Variants in HS3ST4 observed in about 807,000 individuals in gnomAD.
HS3ST4 encodes the protein heparan sulfate glucosamine 3-O-sulfotransferase 4.
Under a neutral mutation model 29.2 loss-of-function variants are expected in HS3ST4, and 17 were observed. That is an observed-to-expected ratio of 0.58 (90% CI 0.40 to 0.87). The LOEUF is 0.87. Among genes scored for constraint, HS3ST4 ranks in the 40% least tolerant of loss-of-function variants. The pLI, the probability that HS3ST4 is intolerant of heterozygous loss-of-function variation, is 0.00. For synonymous variants in HS3ST4, 314 were observed against 285.7 expected (o/e 1.10, Z -1.00); for missense variants, 627 against 634.5 (o/e 0.99, Z 0.13).
chr16:25,740,191 ACCGT>A (rs1966643093), intron 1 of HS3ST4, among the ~76,000 whole-genome samples: 1 of 152,142 alleles, frequency 6.6e-6, no homozygotes, highest in Non-Finnish European at 1.5e-5. Flanking sequence ...GCACTGGACT[ACCGT>A]CGTGGCAATG....
At chr16:25,953,944 C>T (rs1728492761) in intron 1 of HS3ST4, among the ~76,000 whole-genome samples, 1 of 152,194 alleles carries the variant, frequency 6.6e-6, no homozygotes. Flanking sequence ...GGTGCTACCT[C>T]TCTGGCACTT....
chr16:25,707,367 G>A (rs895799720), intron 1 of HS3ST4, among the ~76,000 whole-genome samples: 13 of 152,130 alleles, frequency 8.5e-5, no homozygotes, highest in African/African-American at 3.1e-4. Flanking sequence ...ATTATGAGTT[G>A]TTAATCTCTT....
intron 1 of HS3ST4, among the ~76,000 whole-genome samples, chr16:25,845,597 G>A (rs865966903): frequency 2.0e-4 from 30 of 151,644 alleles, no homozygotes; most frequent in South Asian, 6.3e-4. Context: ...AATTGGTGCC[G>A]AAAAATTGAC....
chr16:25,896,452 C>T (rs952487982), intron 1 of HS3ST4, among the ~76,000 whole-genome samples: 1 of 152,038 alleles, frequency 6.6e-6, no homozygotes, highest in Non-Finnish European at 1.5e-5. Flanking sequence ...AATGAGATAC[C>T]GTGTCACACC....
intron 1 of HS3ST4, among the ~76,000 whole-genome samples, chr16:25,936,709 G>A (rs1968520049): frequency 6.6e-6 from 1 of 152,228 alleles, no homozygotes; most frequent in African/African-American, 2.4e-5. Flanking sequence ...GAATAAGGCT[G>A]GTCCTGGCCC....
intron 1 of HS3ST4, among the ~76,000 whole-genome samples, chr16:25,927,909 G>A (rs1257606537): frequency 6.6e-6 from 1 of 151,902 alleles, no homozygotes; most frequent in Non-Finnish European, 1.5e-5. Context: ...TTAGAAACAT[G>A]TGAAATAGGC....
rs571551546 is a variant in HS3ST4, at chr16:25,702,261, T to C, written c.734+9110T>C. 2.0e-5 allele frequency among the ~76,000 whole-genome samples: 3 copies of C among 152,296 alleles called. No homozygotes were observed. In the East Asian group the frequency reaches 5.8e-4, roughly 29 times the overall value. On this transcript the variant is annotated intron_variant, in intron 1 of 1. Transcript: ENST00000331351. ...CCTCCTATGAATCTATTGGAAACAA[T>C]AATAGAATTCATTAAGGTGGCTGGT...
chr16:25,979,009 T>A (rs1968975418), intron 1 of HS3ST4, among the ~76,000 whole-genome samples: 1 of 149,856 alleles, frequency 6.7e-6, no homozygotes. Flanking sequence ...GCGATTCTCC[T>A]GCTTCAGCTT....
intron 1 of HS3ST4, among the ~76,000 whole-genome samples, chr16:25,708,918 A>T (rs1335796744): frequency 6.6e-6 from 1 of 152,158 alleles, no homozygotes; most frequent in East Asian, 1.9e-4. Context: ...ATCTTTAAGG[A>T]TAATCATTTT....
intron 1 of HS3ST4, among the ~76,000 whole-genome samples, chr16:25,746,334 G>A (rs1398526410): frequency 6.6e-6 from 1 of 152,172 alleles, no homozygotes; most frequent in Non-Finnish European, 1.5e-5. Context: ...TGATTTTCAG[G>A]TCATAATCTG....
At chr16:25,924,119 A>G (rs1244242756) in intron 1 of HS3ST4, among the ~76,000 whole-genome samples, 1 of 152,190 alleles carries the variant, frequency 6.6e-6, no homozygotes, top group African/African-American at 2.4e-5. Flanking sequence ...TGAGCCCACT[A>G]TCTGGCATCC....
chr16:25,738,236 C>T (rs1045542860), intron 1 of HS3ST4, among the ~76,000 whole-genome samples: 2 of 152,150 alleles, frequency 1.3e-5, no homozygotes, highest in African/African-American at 4.8e-5. Flanking sequence ...TGCTCATCCT[C>T]TGTCTCCTAC....
At chr16:25,881,347 A>G (rs1329698133) in intron 1 of HS3ST4, among the ~76,000 whole-genome samples, 1 of 152,230 alleles carries the variant, frequency 6.6e-6, no homozygotes, top group African/African-American at 2.4e-5. Flanking sequence ...CATAGTTAAA[A>G]AAAAGTTCTA....
chr16:26,123,481 G>A (rs1015942907), intron 1 of HS3ST4, among the ~76,000 whole-genome samples: 2 of 152,136 alleles, frequency 1.3e-5, no homozygotes, highest in African/African-American at 2.4e-5. Context: ...AAGAGATAAC[G>A]AGAGACCTCT....
At chr16:26,054,664 G>A (rs1329609452) in intron 1 of HS3ST4, among the ~76,000 whole-genome samples, 1 of 152,144 alleles carries the variant, frequency 6.6e-6, no homozygotes, top group Non-Finnish European at 1.5e-5. Flanking sequence ...TCATTATTTT[G>A]GTGGTAATTA....
At chr16:25,841,527 TG>T (rs1833017671) in intron 1 of HS3ST4, among the ~76,000 whole-genome samples, 1 of 152,172 alleles carries the variant, frequency 6.6e-6, no homozygotes, top group Non-Finnish European at 1.5e-5. Flanking sequence ...CCAAAATATC[TG>T]CCTACCTTGG....
intron 1 of HS3ST4, among the ~76,000 whole-genome samples, chr16:25,756,740 T>G (rs1443951792): frequency 1.3e-5 from 2 of 151,980 alleles, no homozygotes; most frequent in Non-Finnish European, 2.9e-5. Flanking sequence ...CACAGAGAGA[T>G]GAGGAAGGAT....
At chr16:25,974,986 C>T (rs1968929611) in intron 1 of HS3ST4, among the ~76,000 whole-genome samples, 1 of 152,150 alleles carries the variant, frequency 6.6e-6, no homozygotes, top group South Asian at 2.1e-4. Context: ...CTAATCCAGT[C>T]ATCCAGTTGC....
chr16:25,789,215 G>A (rs116984972), intron 1 of HS3ST4, among the ~76,000 whole-genome samples: 4,112 of 152,026 alleles, frequency 0.027, 77 homozygotes, highest in Middle Eastern at 0.11. Flanking sequence ...CTGATAGAAG[G>A]TTCCAGGTCC....
Sources: gnomAD v4.1 joint callset for allele counts (sites outside exome capture counted in the v4.1 genomes callset) on GRCh38, gnomAD v4.1.1 for gene constraint, MANE v1.5 for transcripts, NCBI Gene and HGNC (gene_info 2026-07-23, HGNC 2026-07-21) for gene names.